The following PODNL1 variants were observed in gnomAD, a reference collection of about 807,000 sequenced individuals.
PODNL1 encodes podocan like 1.
In PODNL1, 50 loss-of-function variants were observed where a neutral mutation model predicts 45.1. The observed-to-expected ratio is 1.11, with a 90% CI of 0.88 to 1.40. The LOEUF is 1.40. PODNL1 is among the 40% of genes most tolerant of loss of function. PODNL1 has a pLI of 0.00. For synonymous variants in PODNL1, 406 were observed against 372.5 expected (o/e 1.09, Z -1.04); for missense variants, 788 against 793.3 (o/e 0.99, Z 0.08).
At chr19:13,948,744 C>T (rs1287631195) in intron 1 of PODNL1, among the ~76,000 whole-genome samples, 5 of 135,954 alleles carry the variant, frequency 3.7e-5, no homozygotes, top group Non-Finnish European at 7.7e-5. Context: ...TCCTGACCGT[C>T]CTGGCTAACA....
At chr19:13,951,438 C>A (rs916501328) in intron 1 of PODNL1, among the ~76,000 whole-genome samples, 3 of 151,978 alleles carry the variant, frequency 2.0e-5, no homozygotes, top group African/African-American at 7.3e-5. Flanking sequence ...GTGTTGGAGA[C>A]CAGCCTGGAC....
intron 1 of PODNL1, among the ~76,000 whole-genome samples, chr19:13,952,838 A>G (rs1264822729): frequency 1.9e-5 from 1 of 53,400 alleles, no homozygotes; most frequent in Non-Finnish European, 3.5e-5. Context: ...GCCTGGATGC[A>G]GGTGGTTGTG....
Position 13,936,522 on chromosome 19 carries a change from T to TGG in PODNL1, c.226-63_226-62insCC, listed in dbSNP as rs1972364288. 5 of 1,405,844 alleles carry TGG rather than the reference T, an allele frequency of 3.6e-6. No homozygotes were observed. The East Asian group carries it at 1.1e-4, about 32-fold the overall frequency. The allele number at this position is 1,405,844 out of a possible 1,614,324, so 87.1% of individuals were successfully genotyped here. ...CCCGTGACCAAGTGACCCCAAGCAC[T>TGG]GATTCTCAACTTCCCATCAGCCCAA... is the stretch of plus-strand genomic sequence containing the variant. On this transcript the variant is annotated intron_variant, in intron 2 of 9. Coordinates refer to ENST00000588872, the MANE Select transcript of PODNL1 (RefSeq NM_001370095.3).
chr19:13,950,783 G>A (rs544570524), intron 1 of PODNL1, among the ~76,000 whole-genome samples: 154 of 152,248 alleles, frequency 1.0e-3, no homozygotes, highest in African/African-American at 3.5e-3. Context: ...AGTGGCTCAC[G>A]CCTGTAATCT....
chr19:13,951,941 G>A (rs1012221160), intron 1 of PODNL1, among the ~76,000 whole-genome samples: 8 of 152,346 alleles, frequency 5.3e-5, no homozygotes, highest in African/African-American at 1.9e-4. Flanking sequence ...CATGATTGAT[G>A]CTATCATTAT....
chr19:13,931,947 G>A lies in PODNL1; in HGVS notation c.1574+17C>T, dbSNP rs772063397. ...CTCCCCTGCCCACCTCCACCCCTCC[G>A]GTCACCCTCGGGGCACCTGAGGAAG... On this transcript the variant is annotated intron_variant, in intron 9 of 9. Transcript: ENST00000588872. The A allele has an allele frequency of 2.2e-4, 267 of 1,231,962 alleles. No individual in the cohort carries two copies. Among genetic ancestry groups the A allele is most frequent in the Non-Finnish European group, 2.5e-4 (248 of 988,010 alleles). 76.3% of individuals were successfully genotyped at this position (1,231,962 alleles called of 1,614,324 possible). A position where few individuals can be genotyped will look rare whatever the true frequency, so the allele number is the denominator to read the frequency against.
rs117664099 is a variant in PODNL1 at position 13,934,077 on chromosome 19, C to T, written c.652-84G>A. 3.5e-3 allele frequency: 4,925 copies of T among 1,407,158 alleles called. 16 individuals carry two copies. The highest frequency in any genetic ancestry group is 7.3e-3 in the Middle Eastern group (41 of 5,650). 87.2% of individuals were successfully genotyped at this position (1,407,158 alleles called of 1,614,324 possible). On this transcript the variant is annotated intron_variant, in intron 6 of 9. Coordinates refer to ENST00000588872, the MANE Select transcript of PODNL1 (RefSeq NM_001370095.3). ...AGACGGCTCTTGAGTAAGGGAGTGA[C>T]GAGGAGCTTGCCTTGAGCTCAAAGC...
Position 13,936,117 on chromosome 19 carries a change from G to A in PODNL1, c.320-73C>T. The A allele has an allele frequency of 3.0e-6, 4 of 1,319,376 alleles. No homozygotes were observed. In the South Asian group the frequency reaches 3.8e-5, roughly 13 times the overall value. The allele number at this position is 1,319,376 out of a possible 1,614,324, so 81.7% of individuals were successfully genotyped here. ...GGAGGGGGAGTCTGGGCTCCCAGCT[G>A]CCCCAGGACTCTCGGCCGGGGAACT... On this transcript the variant is annotated intron_variant, in intron 3 of 9. Transcript: ENST00000588872.
chr19:13,945,804 G>A (rs1043655728), intron 1 of PODNL1, among the ~76,000 whole-genome samples: 4 of 151,176 alleles, frequency 2.6e-5, no homozygotes, highest in Admixed American at 2.0e-4. Context: ...CAGGAGAATC[G>A]CTTGAACCTG....
rs748566160 is a variant in PODNL1, at chr19:13,932,818, G to A, written c.1405C>T (p.His469Tyr). ...RVGDIGPGTWHELQALQMLDL... is the reference protein window; with the variant it reads ...RVGDIGPGTWYELQALQMLDL... ...CTGACCTGGAGGGCTTGGAGCTCAT[G>A]CCAGGTGCCTGGCCCGATGTCGCCG... The change falls in exon 8 of 10, where the codon CAT becomes TAT. Residue 469 changes from histidine to tyrosine, a missense_variant. By Grantham distance (83) the His-to-Tyr change is moderately conservative. This residue lies in a region of PODNL1 where 762 missense variants were observed against 750.9 expected (regional missense o/e 1.01). Transcript: ENST00000588872. 10 of 1,612,994 alleles carry A rather than the reference G, an allele frequency of 6.2e-6. No homozygotes were observed. The South Asian group carries it at 9.9e-5, about 16-fold the overall frequency.
In PODNL1 at chr19:13,934,362, G is replaced by A. The variant is rs778498484; in HGVS notation, c.543C>T (p.Pro181=). 1.5e-5 allele frequency: 24 copies of A among 1,553,358 alleles called. No homozygotes were observed. Among genetic ancestry groups the A allele is most frequent in the South Asian group, 2.4e-5 (2 of 82,048 alleles). Residue 181 remains proline, a synonymous_variant, in exon 6 of 10, where the codon CCC becomes CCT. Transcript: ENST00000588872. The part of the protein sequence containing the change: ...NNQLSNAGLP[P]DAFRGSEAIA... ...TGGCCTCGGAGCCGCGGAAGGCGTC[G>A]GGGGGCAGGCCAGCGTTGCTCAGCT...
upstream of PODNL1, among the ~76,000 whole-genome samples, chr19:13,940,870 C>T (rs528173702): frequency 8.0e-5 from 12 of 149,396 alleles, no homozygotes; most frequent in Admixed American, 3.3e-4. Context: ...GGCTATGGTG[C>T]GAGACTCTGT....
intron 1 of PODNL1, among the ~76,000 whole-genome samples, chr19:13,947,335 G>A (rs368763561): frequency 8.6e-5 from 13 of 151,836 alleles, no homozygotes; most frequent in African/African-American, 3.1e-4. Flanking sequence ...ACAAAAATTA[G>A]CTGGGCCTGG....
rs1268008526 is a variant in PODNL1 at position 13,933,801 on chromosome 19, G to C, written c.767+77C>G. On this transcript the variant is annotated intron_variant, in intron 7 of 9. Transcript: ENST00000588872. This position sits in a 1 kb window ranked among gnomAD's most constrained non-coding sequence, Gnocchi z 5.2. ...AAATGAGGCCGTGGCTTAGGAGCCA[G>C]TCAGGGAAGGGGGACTGAAGGTTGG... is the stretch of plus-strand genomic sequence containing the variant. 2 of 1,302,384 alleles carry C rather than the reference G, an allele frequency of 1.5e-6. No individual in the cohort carries two copies. The highest frequency in any genetic ancestry group is 2.9e-5 in the African/African-American group (2 of 68,052). The allele number at this position is 1,302,384 out of a possible 1,614,324, so 80.7% of individuals were successfully genotyped here.
At chr19:13,951,275 A>C (rs1180025956) in intron 1 of PODNL1, among the ~76,000 whole-genome samples, 3 of 151,180 alleles carry the variant, frequency 2.0e-5, no homozygotes, top group African/African-American at 7.3e-5. Flanking sequence ...GTGAGACCCC[A>C]TCTCTACAAA....
chr19:13,947,365 C>T (rs1440539460), intron 1 of PODNL1, among the ~76,000 whole-genome samples: 2 of 150,478 alleles, frequency 1.3e-5, no homozygotes, highest in East Asian at 4.0e-4. Flanking sequence ...CCTGTAATGC[C>T]AGCTATTTGG....
rs1972473210 is a variant in PODNL1 at position 13,937,803 on chromosome 19, A to G, written c.207T>C (p.Ala69=). ...GCCCCACCTGCAGGGAGAGGTGCTGAGCGGCTCTGGTGATGTTGTCCGGGA... is the reference window on the plus strand; with the variant it reads ...GCCCCACCTGCAGGGAGAGGTGCTGGGCGGCTCTGGTGATGTTGTCCGGGA... ...RVFPDNITRA[A]QHLSLQNNQL... Residue 69 remains alanine (A), a synonymous_variant, in exon 2 of 10, where the codon GCT becomes GCC. Transcript: ENST00000588872. The G allele has an allele frequency of 6.3e-7, 1 of 1,589,074 alleles. No individual in the cohort carries two copies. Among genetic ancestry groups the G allele is most frequent in the Non-Finnish European group, 8.6e-7 (1 of 1,169,174 alleles).
Position 13,932,966 on chromosome 19 carries a change from G to A in PODNL1, c.1257C>T (p.Gly419=), listed in dbSNP as rs776396140. ...GCAGGGTGCGCAGGCCAGTGGGCAGGCCCATGGGCAGCCGGGTTAGCTGAT... is the reference window on the plus strand; with the variant it reads ...GCAGGGTGCGCAGGCCAGTGGGCAGACCCATGGGCAGCCGGGTTAGCTGAT... ...AGNQLTRLPM[G]LPTGLRTLQL... The change falls in exon 8 of 10, where the codon GGC becomes GGT. Residue 419 remains glycine (G), a synonymous_variant. Coordinates refer to ENST00000588872, the MANE Select transcript of PODNL1 (RefSeq NM_001370095.3). 5.1e-6 allele frequency: 8 copies of A among 1,556,972 alleles called. No homozygotes were observed. The highest frequency in any genetic ancestry group is 5.2e-6 in the Non-Finnish European group (6 of 1,156,596).
rs527262132 is a variant in PODNL1 at position 13,934,526 on chromosome 19, T to TGTGTGCGC, written c.495-117_495-116insGCGCACAC. On this transcript the variant is annotated intron_variant, in intron 5 of 9. Coordinates refer to ENST00000588872, the MANE Select transcript of PODNL1 (RefSeq NM_001370095.3). ...GTGTGTGTGTGTGTGTGTGTGTGTG[T>TGTGTGCGC]GCGCGCGCATGTGTGGAGTCTGTGT... is the stretch of plus-strand genomic sequence containing the variant. The TGTGTGCGC allele has an allele frequency of 1.6e-4, 146 of 899,266 alleles. No homozygotes were observed. The African/African-American group carries it at 2.3e-3, about 14-fold the overall frequency. 55.7% of individuals were successfully genotyped at this position (899,266 alleles called of 1,614,324 possible).
Sources: gnomAD v4.1 joint callset for allele counts (sites outside exome capture counted in the v4.1 genomes callset) on GRCh38, gnomAD v4.1.1 for gene constraint, gnomAD v4.1.1 regional missense constraint, Gnocchi (gnomAD v3.1) non-coding constraint, MANE v1.5 for transcripts, NCBI Gene and HGNC (gene_info 2026-07-23, HGNC 2026-07-21) for gene names.